CHPF2: variants seen among roughly 807,000 people sequenced by gnomAD.
The protein encoded by CHPF2 is chondroitin polymerizing factor 2, also known as chondroitin polymerizing factor 2, non-catalytic subunit.
Under a neutral mutation model 63.0 loss-of-function variants are expected in CHPF2, and 58 were observed. The ratio of observed to expected loss-of-function variants is 0.92; its 90% CI spans 0.75 to 1.15. CHPF2 has a LOEUF of 1.15. CHPF2 is among the 50% of genes most tolerant of loss of function. The pLI is 0.00. For missense variants in CHPF2, 1,045 were observed against 1,035.4 expected (o/e 1.01, Z -0.13); for synonymous variants, 442 against 438.0 (o/e 1.01, Z -0.11).
Position 151,236,536 on chromosome 7 carries a change from A to C in CHPF2, c.957A>C (p.Lys319Asn). The C allele has an allele frequency of 6.2e-7, 1 of 1,608,684 alleles. No individual in the cohort carries two copies. The highest frequency in any genetic ancestry group is 8.5e-7 in the Non-Finnish European group (1 of 1,175,846). The change falls in exon 3 of 4, where the codon AAA (lysine) becomes AAC (asparagine). Residue 319 changes from lysine (K) to asparagine (N), a missense_variant. Coordinates refer to ENST00000035307, the MANE Select transcript of CHPF2 (RefSeq NM_019015.3). The stretch of plus-strand genomic sequence containing the variant: ...GTACCCTCATGTACCGGCTCCACAA[A>C]CGCTTCAGCGCTCTGGAGTTGGAGC... Reference protein sequence around the residue: ...SEGTLMYRLHKRFSALELERA... With the variant: ...SEGTLMYRLHNRFSALELERA...
rs1363697969 is a variant in CHPF2 at position 151,236,579 on chromosome 7, GA to G, written c.1002del (p.Glu334AspfsTer10). ...GTTGGAGCGGGCTTACAGTGAAATA[GA>G]ACAACTGCAGGTGAGCTGAAGAGGA... ...LELERAYSEI[E>X]QLQAQIRNLT... On this transcript the variant is annotated frameshift_variant, in exon 3 of 4. Coordinates refer to ENST00000035307, the MANE Select transcript of CHPF2 (RefSeq NM_019015.3). LOFTEE classifies it high-confidence loss of function. 1 of 1,582,384 alleles carries G rather than the reference GA, an allele frequency of 6.3e-7. No individual in the cohort carries two copies. Among genetic ancestry groups the G allele is most frequent in the Non-Finnish European group, 8.6e-7 (1 of 1,159,640 alleles).
rs145943901 is a variant in CHPF2, at chr7:151,237,407, G to T, written c.1045G>T (p.Glu349Ter). The change falls in exon 4 of 4, where the codon GAA becomes TAA. Residue 349 changes from glutamate (E) to a stop codon, truncating the protein, a stop_gained. Transcript: ENST00000035307. LOFTEE classifies it high-confidence loss of function. Reference protein sequence around the residue: ...QIRNLTVLTPEGEAGLSWPVG... With the variant: ...QIRNLTVLTP ...CCGGAACCTGACCGTGCTGACCCCC[G>T]AAGGGGAGGCAGGGCTGAGCTGGCC... The T allele has an allele frequency of 8.1e-6, 13 of 1,606,242 alleles. No homozygotes were observed. The Admixed American group carries it at 2.0e-4, about 25-fold the overall frequency.
At chr7:151,236,943 T>C (rs1563632393) in intron 3 of CHPF2, 1 of 524,638 alleles carries the variant, frequency 1.9e-6, no homozygotes, top group Non-Finnish European at 3.7e-6. Flanking sequence ...CTCTGAAGTT[T>C]CTTTACTTCT....
chr7:151,237,847 C>G lies in CHPF2; in HGVS notation c.1485C>G (p.Leu495=), dbSNP rs768451770. The G allele has an allele frequency of 2.4e-5, 38 of 1,612,708 alleles. No individual in the cohort carries two copies. The highest frequency in any genetic ancestry group is 3.0e-5 in the Non-Finnish European group (35 of 1,180,006). ...CCCGAGTGCAGCTGGTGCTGCCACT[C>G]CTGGTGGCTGAAGCTGCTGCAGCCC... The part of the protein sequence containing the change: ...EATRVQLVLP[L]LVAEAAAAPA... Residue 495 remains leucine, a synonymous_variant, in exon 4 of 4, where the codon CTC becomes CTG. Transcript: ENST00000035307.
In CHPF2 at chr7:151,237,723, C is replaced by CA; in HGVS notation, c.1362dup (p.Gln455ThrfsTer31). ...CTGGACCTGCTGTTGGAATGTGTGA[C>CA]ACAGCGTGGGCACCGGCGGGCCCTG... On this transcript the variant is annotated frameshift_variant, in exon 4 of 4. Transcript: ENST00000035307. LOFTEE classifies it high-confidence loss of function. 6.2e-7 allele frequency: 1 copy of CA among 1,612,884 alleles called. No homozygotes were observed. Among genetic ancestry groups the CA allele is most frequent in the Non-Finnish European group, 8.5e-7 (1 of 1,179,902 alleles).
At position 151,232,558 on chromosome 7, in the gene CHPF2, G is replaced by C; in HGVS notation, c.-1454G>C. 1.9e-6 allele frequency: 1 copy of C among 533,116 alleles called. No homozygotes were observed. The highest frequency in any genetic ancestry group is 3.2e-6 in the Non-Finnish European group (1 of 308,646). 33.0% of individuals were successfully genotyped at this position (533,116 alleles called of 1,614,324 possible). The stretch of plus-strand genomic sequence containing the variant: ...AGCCGGCGCCTCAGCGGGCACTGGG[G>C]TCTGTTCCCCCTTCCCCGTCCCTGC... On this transcript the variant is annotated 5_prime_UTR_variant, in exon 1 of 4. Coordinates refer to ENST00000035307, the MANE Select transcript of CHPF2 (RefSeq NM_019015.3).
Position 151,235,365 on chromosome 7 carries a change from C to T in CHPF2, c.581C>T (p.Ala194Val), listed in dbSNP as rs1320926941. 6.2e-7 allele frequency: 1 copy of T among 1,613,850 alleles called. No individual in the cohort carries two copies. The highest frequency in any genetic ancestry group is 1.1e-5 in the South Asian group (1 of 91,082). Residue 194 changes from alanine to valine, a missense_variant, in exon 2 of 4, where the codon GCC becomes GTC. Coordinates refer to ENST00000035307, the MANE Select transcript of CHPF2 (RefSeq NM_019015.3). ...DTYVQAPRLA[A>V]LAGHLSINQD... ...TATGTGCAGGCCCCCCGCCTGGCAG[C>T]CCTTGCTGGCCACCTCAGCATCAAC...
In CHPF2 at chr7:151,232,696, G is replaced by A; in HGVS notation, c.-1316G>A. On this transcript the variant is annotated 5_prime_UTR_variant, in exon 1 of 4. Transcript: ENST00000035307. ...CTTTATCCGGTGTCCGCCGGCCCCC[G>A]GCCCTGAAACCCGGGCCTCCTCCCC... 2.7e-6 allele frequency: 4 copies of A among 1,457,560 alleles called. No homozygotes were observed. Among genetic ancestry groups the A allele is most frequent in the Non-Finnish European group, 3.7e-6 (4 of 1,095,836 alleles). The allele number at this position is 1,457,560 out of a possible 1,614,324, so 90.3% of individuals were successfully genotyped here. A position where few individuals can be genotyped will look rare whatever the true frequency, so the allele number is the denominator to read the frequency against.
In CHPF2 at chr7:151,233,879, C is replaced by A. The variant is rs2252694; in HGVS notation, c.-133C>A. On this transcript the variant is annotated 5_prime_UTR_variant, in exon 1 of 4. Transcript: ENST00000035307. ...GCTGGTCCTGGAAGCCAGCGGGCCT[C>A]GCTCTGTCTTTGGCCTCATTGACCC... 2 of 1,297,214 alleles carry A rather than the reference C, an allele frequency of 1.5e-6. No individual in the cohort carries two copies. The highest frequency in any genetic ancestry group is 5.7e-5 in the South Asian group (2 of 35,316). The allele number at this position is 1,297,214 out of a possible 1,614,324, so 80.4% of individuals were successfully genotyped here.
At position 151,235,208 on chromosome 7, in the gene CHPF2, G is replaced by A. The variant is rs1448474984; in HGVS notation, c.424G>A (p.Ala142Thr). Residue 142 changes from alanine (A) to threonine (T), a missense_variant, in exon 2 of 4, where the codon GCT becomes ACT. Coordinates refer to ENST00000035307, the MANE Select transcript of CHPF2 (RefSeq NM_019015.3). ...CTTCACTGGGCAGCGGGGGGCCCGG[G>A]CTCCAGCAGGGATGCAGGTGGTGTC... ...LYFTGQRGAR[A>T]PAGMQVVSHG... 1.9e-6 allele frequency: 3 copies of A among 1,612,878 alleles called. No individual in the cohort carries two copies. The highest frequency in any genetic ancestry group is 2.5e-6 in the Non-Finnish European group (3 of 1,179,474).
chr7:151,237,909 A>G lies in CHPF2; in HGVS notation c.1547A>G (p.Glu516Gly), dbSNP rs1223977114. ...GAGGCCTTTGCAGCCAATGTCCTGG[A>G]GCCACGAGAACATGCATTGCTCACC... ...FLEAFAANVL[E>G]PREHALLTLL... is the part of the protein sequence containing the mutation. Residue 516 changes from glutamate to glycine, a missense_variant, in exon 4 of 4, where the codon GAG (glutamate) becomes GGG (glycine). Physicochemically the swap from Glu to Gly is moderately conservative, Grantham distance 98. Transcript: ENST00000035307. 6.2e-7 allele frequency: 1 copy of G among 1,612,932 alleles called. No homozygotes were observed. The highest frequency in any genetic ancestry group is 8.5e-7 in the Non-Finnish European group (1 of 1,179,998).
At position 151,237,671 on chromosome 7, in the gene CHPF2, G is replaced by A. The variant is rs768923356; in HGVS notation, c.1309G>A (p.Asp437Asn). ...ACTGCTCAACGGCTATCGGCGCTTC[G>A]ACCCAGCACGGGGCATGGAGTACAC... ...QRLLNGYRRF[D>N]PARGMEYTLD... The change falls in exon 4 of 4, where the codon GAC becomes AAC. Residue 437 changes from aspartate to asparagine, a missense_variant. Physicochemically the swap from Asp to Asn is conservative, Grantham distance 23. Coordinates refer to ENST00000035307, the MANE Select transcript of CHPF2 (RefSeq NM_019015.3). 50 of 1,613,040 alleles carry A rather than the reference G, an allele frequency of 3.1e-5. No individual in the cohort carries two copies. Among genetic ancestry groups the A allele is most frequent in the Non-Finnish European group, 4.0e-5 (47 of 1,179,938 alleles).
Position 151,233,840 on chromosome 7 carries a change from ATCT to A in CHPF2, c.-167_-165del, listed in dbSNP as rs1802546540. The stretch of plus-strand genomic sequence containing the variant: ...CAGAAGGAGTTGTGAAGACAGGACA[ATCT>A]TCTTGGGGATGCTGGTCCTGGAAGC... On this transcript the variant is annotated 5_prime_UTR_variant, in exon 1 of 4. Coordinates refer to ENST00000035307, the MANE Select transcript of CHPF2 (RefSeq NM_019015.3). 7.9e-7 allele frequency: 1 copy of A among 1,261,948 alleles called. No individual in the cohort carries two copies. The allele number at this position is 1,261,948 out of a possible 1,614,324, so 78.2% of individuals were successfully genotyped here.
Position 151,238,508 on chromosome 7 carries a change from C to G in CHPF2, c.2146C>G (p.Leu716Val). The G allele has an allele frequency of 6.2e-7, 1 of 1,601,400 alleles. No individual in the cohort carries two copies. The highest frequency in any genetic ancestry group is 1.3e-5 in the African/African-American group (1 of 74,772). The change falls in exon 4 of 4, where the codon CTC becomes GTC. Residue 716 changes from leucine to valine, a missense_variant. Physicochemically the swap from Leu to Val is conservative, Grantham distance 32. Transcript: ENST00000035307. ...DVFLRFSGLH[L>V]FRAVEPGLVQ... ...TTTCCTCCGGTTCTCAGGGCTCCAC[C>G]TCTTTCGGGCCGTAGAGCCAGGGCT...
chr7:151,235,160 C>CA lies in CHPF2; in HGVS notation c.377dup (p.His126GlnfsTer29). On this transcript the variant is annotated frameshift_variant, in exon 2 of 4. Coordinates refer to ENST00000035307, the MANE Select transcript of CHPF2 (RefSeq NM_019015.3). LOFTEE classifies it high-confidence loss of function. ...CGTGGCTGTGAACCGTACGGTGGCC[C>CA]ATCACTTCCCTCGGTTACTCTACTT... is the stretch of plus-strand genomic sequence containing the variant. 6.2e-7 allele frequency: 1 copy of CA among 1,613,358 alleles called. No individual in the cohort carries two copies. Among genetic ancestry groups the CA allele is most frequent in the African/African-American group, 1.3e-5 (1 of 75,038 alleles).
rs746575775 is a variant in CHPF2 at position 151,238,516 on chromosome 7, G to A, written c.2154G>A (p.Arg718=). The stretch of plus-strand genomic sequence containing the variant: ...GGTTCTCAGGGCTCCACCTCTTTCG[G>A]GCCGTAGAGCCAGGGCTGGTGCAGA... ...FLRFSGLHLF[R]AVEPGLVQKF... is the part of the protein sequence containing the mutation. Residue 718 remains arginine (R), a synonymous_variant, in exon 4 of 4, where the codon CGG becomes CGA. Transcript: ENST00000035307. 1.9e-6 allele frequency: 3 copies of A among 1,604,482 alleles called. No individual in the cohort carries two copies. Among genetic ancestry groups the A allele is most frequent in the Non-Finnish European group, 8.5e-7 (1 of 1,174,036 alleles).
At chr7:151,234,402 T>C (rs903671025) in intron 1 of CHPF2, 128 bp downstream of exon 1, 7 of 622,798 alleles carry the variant, frequency 1.1e-5, no homozygotes, top group Non-Finnish European at 1.8e-5. Flanking sequence ...TTATTTTCCA[T>C]CATGGTTTCT....
rs1043689441 is a variant in CHPF2, at chr7:151,233,173, T to C, written c.-839T>C. On this transcript the variant is annotated 5_prime_UTR_variant, in exon 1 of 4. Transcript: ENST00000035307. Reference sequence around the variant, plus strand: ...CTGGTAAAACCAGGCACCGAATCGCTCGCACACAGAGTTCCAGTCCCCGCC... The same window carrying C: ...CTGGTAAAACCAGGCACCGAATCGCCCGCACACAGAGTTCCAGTCCCCGCC... 1 of 1,049,400 alleles carries C rather than the reference T, an allele frequency of 9.5e-7. No individual in the cohort carries two copies. Among genetic ancestry groups the C allele is most frequent in the East Asian group, 7.2e-5 (1 of 13,944 alleles). The allele number at this position is 1,049,400 out of a possible 1,614,324, so 65.0% of individuals were successfully genotyped here.
Position 151,238,326 on chromosome 7 carries a change from C to T in CHPF2, c.1964C>T (p.Ser655Phe), listed in dbSNP as rs974777578. The change falls in exon 4 of 4, where the codon TCC (serine) becomes TTC (phenylalanine). Residue 655 changes from serine to phenylalanine, a missense_variant. Physicochemically the swap from Ser to Phe is radical, Grantham distance 155. Coordinates refer to ENST00000035307, the MANE Select transcript of CHPF2 (RefSeq NM_019015.3). ...DPPSPPGADP[S>F]RGAPIGGRFD... Reference sequence around the variant, plus strand: ...CCCTCCCCTCCTGGTGCTGACCCCTCCCGGGGGGCTCCTATAGGGGGGAGA... The same window carrying T: ...CCCTCCCCTCCTGGTGCTGACCCCTTCCGGGGGGCTCCTATAGGGGGGAGA... 1 of 1,610,104 alleles carries T rather than the reference C, an allele frequency of 6.2e-7. No homozygotes were observed. The highest frequency in any genetic ancestry group is 8.5e-7 in the Non-Finnish European group (1 of 1,178,168).
Sources: allele counts gnomAD v4.1 joint callset, GRCh38; gene constraint gnomAD v4.1.1; transcripts MANE v1.5; gene names NCBI Gene and HGNC (gene_info 2026-07-23, HGNC 2026-07-21).